BORCS5: variants seen among roughly 807,000 people sequenced by gnomAD.
The protein encoded by BORCS5 is BLOC-1-related complex subunit 5.
A neutral mutation model predicts 22.1 loss-of-function variants in BORCS5; 17 were observed. The ratio of observed to expected loss-of-function variants is 0.77; its 90% CI spans 0.53 to 1.15. The LOEUF (loss-of-function observed/expected upper bound fraction) is 1.15. BORCS5 is among the 50% of genes most tolerant of loss of function. The probability of loss-of-function intolerance (pLI) is 0.00; values close to 1 mark genes in which losing one functional copy is unlikely to be tolerated. For synonymous variants in BORCS5, 117 were observed against 99.8 expected, an observed-to-expected ratio of 1.17 and a Z score of -1.03; for missense variants, 247 against 253.2, an observed-to-expected ratio of 0.98 and a Z score of 0.17.
intron 2 of BORCS5, among the ~76,000 whole-genome samples, chr12:12,378,634 G>C (rs184364962): frequency 1.4e-5 from 2 of 144,150 alleles, no homozygotes; most frequent in African/African-American, 5.1e-5. Flanking sequence ...GACATGCAGT[G>C]TGGGTCCTGG....
chr12:12,445,684 A>G (rs549897680), intron 3 of BORCS5, among the ~76,000 whole-genome samples: 1 of 151,494 alleles, frequency 6.6e-6, no homozygotes, highest in Non-Finnish European at 1.5e-5. Context: ...CTTAGGCCAG[A>G]GTGCAGTGGC....
chr12:12,386,634 A>ACCAT (rs1414313079), intron 2 of BORCS5, among the ~76,000 whole-genome samples: 1 of 148,940 alleles, frequency 6.7e-6, no homozygotes, highest in Admixed American at 6.7e-5. Flanking sequence ...GGCACGTGCT[A>ACCAT]GTTTTTTGTA....
At chr12:12,405,362 T>C (rs1340638635) in intron 2 of BORCS5, among the ~76,000 whole-genome samples, 1 of 152,234 alleles carries the variant, frequency 6.6e-6, no homozygotes, top group Non-Finnish European at 1.5e-5. Context: ...TTGGTGACTC[T>C]AGAGCTTTCA....
chr12:12,357,577 G>C (rs1333210379), intron 1 of BORCS5, 68 bp downstream of exon 1: 3 of 1,538,170 alleles, frequency 2.0e-6, no homozygotes, highest in Non-Finnish European at 2.7e-6. Context: ...CTGCCTCCCA[G>C]ACTAGGGTCA....
intron 2 of BORCS5, among the ~76,000 whole-genome samples, chr12:12,397,469 TA>T (rs1269725440): frequency 1.3e-5 from 2 of 152,242 alleles, no homozygotes; most frequent in African/African-American, 4.8e-5. Flanking sequence ...TTCTGATAAT[TA>T]AGTCTGCTGT....
intron 2 of BORCS5, among the ~76,000 whole-genome samples, chr12:12,421,129 AT>A (rs1942111926): frequency 6.6e-6 from 1 of 152,008 alleles, no homozygotes; most frequent in South Asian, 2.1e-4. Context: ...TCTTGTGCCG[AT>A]TTTCAAAGGG....
intron 2 of BORCS5, among the ~76,000 whole-genome samples, chr12:12,409,475 T>C (rs148946802): frequency 0.014 from 2,200 of 151,794 alleles, 46 homozygotes; most frequent in African/African-American, 0.05. Flanking sequence ...TGAGAACATA[T>C]GGTGTTTGGT....
intron 2 of BORCS5, among the ~76,000 whole-genome samples, chr12:12,416,355 C>T (rs1941954333): frequency 6.6e-6 from 1 of 151,518 alleles, no homozygotes; most frequent in Non-Finnish European, 1.5e-5. Context: ...TTATTTCTAT[C>T]CTTCTGCTAA....
chr12:12,379,096 C>CT (rs1324122059), intron 2 of BORCS5, among the ~76,000 whole-genome samples: 2 of 146,198 alleles, frequency 1.4e-5, no homozygotes, highest in Non-Finnish European at 3.0e-5. Context: ...TTCTTTCTTT[C>CT]TTCTTTCTTC....
At chr12:12,430,491 G>C (rs936726223) in intron 2 of BORCS5, among the ~76,000 whole-genome samples, 31 of 152,120 alleles carry the variant, frequency 2.0e-4, no homozygotes, top group African/African-American at 7.2e-4. Context: ...ATGAACTTTG[G>C]TGAGAATTAA....
At chr12:12,452,737 T>C (rs957884409) in intron 3 of BORCS5, among the ~76,000 whole-genome samples, 2 of 152,242 alleles carry the variant, frequency 1.3e-5, no homozygotes, top group African/African-American at 4.8e-5. Context: ...TTGTTGTCCA[T>C]TGTGCTAGAG....
intron 3 of BORCS5, among the ~76,000 whole-genome samples, chr12:12,448,507 G>A (rs1031718362): frequency 1.3e-5 from 2 of 150,808 alleles, no homozygotes; most frequent in African/African-American, 4.9e-5. Context: ...GAGTCACCGT[G>A]CCTGACCTTG....
At chr12:12,395,249 G>A (rs921814523) in intron 2 of BORCS5, among the ~76,000 whole-genome samples, 5 of 151,548 alleles carry the variant, frequency 3.3e-5, no homozygotes, top group African/African-American at 1.2e-4. Flanking sequence ...TTGAGAGGGA[G>A]TAAGAGGATG....
At chr12:12,368,915 T>A (rs1040596430) in intron 2 of BORCS5, among the ~76,000 whole-genome samples, 2 of 152,172 alleles carry the variant, frequency 1.3e-5, no homozygotes, top group Non-Finnish European at 2.9e-5. Context: ...AAAGAATGTG[T>A]TCTGTAGTTA....
At chr12:12,446,878 C>A (rs16908081) in intron 3 of BORCS5, among the ~76,000 whole-genome samples, 1 of 152,054 alleles carries the variant, frequency 6.6e-6, no homozygotes, top group Non-Finnish European at 1.5e-5. Flanking sequence ...CAGGACCATA[C>A]GGAGCTATGT....
At chr12:12,417,468 G>T (rs1941999334) in intron 2 of BORCS5, among the ~76,000 whole-genome samples, 1 of 152,138 alleles carries the variant, frequency 6.6e-6, no homozygotes, top group Non-Finnish European at 1.5e-5. Context: ...TGTCTGTGAA[G>T]TTGAGTCAGT....
chr12:12,439,275 C>G (rs112574914), intron 3 of BORCS5, among the ~76,000 whole-genome samples: 143 of 152,164 alleles, frequency 9.4e-4, no homozygotes, highest in African/African-American at 3.3e-3. Context: ...TGAAGGTGCT[C>G]TAGGTGATTC....
chr12:12,422,643 A>C (rs1942164450), intron 2 of BORCS5, among the ~76,000 whole-genome samples: 1 of 152,106 alleles, frequency 6.6e-6, no homozygotes, highest in South Asian at 2.1e-4. Context: ...TGACCTCCAG[A>C]GGCAGAGCAG....
In BORCS5 at chr12:12,435,642, C is replaced by T. The variant is rs745971255; in HGVS notation, c.217C>T (p.Gln73Ter). 6.2e-7 allele frequency: 1 copy of T among 1,613,474 alleles called. No individual in the cohort carries two copies. The highest frequency in any genetic ancestry group is 1.1e-5 in the South Asian group (1 of 90,958). ...CTCCTTTGAAGGGCTATTGAGTGGCCAGACTTCCCCAACAAATGCCAAATT... is the reference window on the plus strand; with the variant it reads ...CTCCTTTGAAGGGCTATTGAGTGGCTAGACTTCCCCAACAAATGCCAAATT... ...QPLLKGLLSG[Q>*]TSPTNAKLEK... Residue 73 changes from glutamine to a stop codon, truncating the protein, a stop_gained, in exon 3 of 4, where the codon CAG (glutamine) becomes TAG (stop). Coordinates refer to ENST00000314565, the MANE Select transcript of BORCS5 (RefSeq NM_058169.6). LOFTEE classifies it high-confidence loss of function.
Sources: gnomAD v4.1 joint callset for allele counts (sites outside exome capture counted in the v4.1 genomes callset) on GRCh38, gnomAD v4.1.1 for gene constraint, MANE v1.5 for transcripts, NCBI Gene and HGNC (gene_info 2026-07-23, HGNC 2026-07-21) for gene names.